Variants in PREX1 observed in about 807,000 individuals in gnomAD.
PREX1 encodes the protein phosphatidylinositol 3,4,5-trisphosphate-dependent Rac exchanger 1 protein.
PREX1 carries 41 observed loss-of-function variants against 198.3 expected under a neutral mutation model. That is an observed-to-expected ratio of 0.21 (90% confidence interval 0.16 to 0.27). The LOEUF is 0.27. Among genes scored for constraint, PREX1 ranks in the 10% least tolerant of loss-of-function variants. The pLI is 1.00. For missense variants in PREX1, 1,620 were observed against 2,200.7 expected (o/e 0.74, Z 5.28); for synonymous variants, 843 against 887.2 (o/e 0.95, Z 0.89).
intron 1 of PREX1, among the ~76,000 whole-genome samples, chr20:48,783,662 C>G (rs2090299902): frequency 6.6e-6 from 1 of 152,152 alleles, no homozygotes; most frequent in Admixed American, 6.5e-5. Flanking sequence ...CGAGAGCCCA[C>G]AGCACCCTGA....
At chr20:48,786,884 G>A (rs1568863913) in intron 1 of PREX1, among the ~76,000 whole-genome samples, 3 of 151,958 alleles carry the variant, frequency 2.0e-5, no homozygotes, top group African/African-American at 7.2e-5. Context: ...GTAGGGAGGA[G>A]AGGAAAGGGA....
At chr20:48,694,339 C>T (rs527970963) in intron 7 of PREX1, among the ~76,000 whole-genome samples, 8 of 152,194 alleles carry the variant, frequency 5.3e-5, no homozygotes, top group Non-Finnish European at 1.0e-4. Context: ...TCAGGAGCCA[C>T]GGGAAGTCAC....
At chr20:48,651,093 T>A in intron 22 of PREX1, 38 bp from the exon 23 acceptor site, 1 of 1,607,490 alleles carries the variant, frequency 6.2e-7, no homozygotes, top group Non-Finnish European at 8.5e-7. Context: ...ATTCCCTGTG[T>A]GCCGGGAAGA....
At chr20:48,680,371 G>A (rs975446588) in intron 11 of PREX1, among the ~76,000 whole-genome samples, 4 of 152,186 alleles carry the variant, frequency 2.6e-5, no homozygotes, top group African/African-American at 9.7e-5. Flanking sequence ...AGGGCAGCCA[G>A]AGGGATTCTG....
chr20:48,654,359 T>A (rs1260877546), intron 19 of PREX1, among the ~76,000 whole-genome samples: 1 of 152,212 alleles, frequency 6.6e-6, no homozygotes, highest in Non-Finnish European at 1.5e-5. Flanking sequence ...ATTATCAGTA[T>A]CTCTGCAGAT....
intron 35 of PREX1, among the ~76,000 whole-genome samples, chr20:48,631,111 A>G (rs11698574): frequency 0.084 from 12,846 of 152,158 alleles, 623 homozygotes; most frequent in South Asian, 0.15. Flanking sequence ...ACCACTTGGC[A>G]TCTCATGGCT....
At chr20:48,877,252 C>T in the PREX1 span, among the ~76,000 whole-genome samples, 2 of 144,982 alleles carry the variant, frequency 1.4e-5, no homozygotes, top group African/African-American at 5.1e-5. Context: ...GCCTGGTCAA[C>T]AAGAGCGAAA....
chr20:48,693,934 T>G (rs932241370), intron 7 of PREX1, among the ~76,000 whole-genome samples: 8 of 151,450 alleles, frequency 5.3e-5, no homozygotes, highest in African/African-American at 1.9e-4. Context: ...TTTTTTGAGA[T>G]AGAGTCTCAT....
chr20:48,856,063 A>C, the PREX1 span, among the ~76,000 whole-genome samples: 1 of 152,232 alleles, frequency 6.6e-6, no homozygotes, highest in Admixed American at 6.5e-5. Context: ...ATGACAGAGG[A>C]GAGCTAATGA....
At position 48,634,845 on chromosome 20, in the gene PREX1, TG is replaced by T; in HGVS notation, c.4168-71del. On this transcript the variant is annotated intron_variant, in intron 32 of 39. Transcript: ENST00000371941. Reference sequence around the variant, plus strand: ...GCCCCAGGGTTTCCTATCAAGATGCTGAATTCAACTCTAGTCGGCACTCCAC... The same window carrying T: ...GCCCCAGGGTTTCCTATCAAGATGCTAATTCAACTCTAGTCGGCACTCCAC... 3 of 1,372,502 alleles carry T rather than the reference TG, an allele frequency of 2.2e-6. No homozygotes were observed. In the South Asian group the frequency reaches 3.5e-5, roughly 16 times the overall value. 85.0% of individuals were successfully genotyped at this position (1,372,502 alleles called of 1,614,324 possible).
At chr20:48,812,305 TATAA>T (rs1568651087) in intron 1 of PREX1, among the ~76,000 whole-genome samples, 1 of 147,098 alleles carries the variant, frequency 6.8e-6, no homozygotes, top group Admixed American at 6.8e-5. Flanking sequence ...GGGTAAATAA[TATAA>T]GAGGAATGGG....
At chr20:48,634,299 G>A (rs752481077) in intron 33 of PREX1, among the ~76,000 whole-genome samples, 3 of 152,114 alleles carry the variant, frequency 2.0e-5, no homozygotes, top group African/African-American at 7.2e-5. Context: ...GTGGAGGAAG[G>A]AGAGGTGAGG....
intron 1 of PREX1, among the ~76,000 whole-genome samples, chr20:48,815,683 A>G (rs1259107076): frequency 6.6e-6 from 1 of 152,148 alleles, no homozygotes; most frequent in Non-Finnish European, 1.5e-5. Context: ...TTCAACTTCA[A>G]CAACCCAGTT....
At chr20:48,690,364 A>G (rs1480178141) in intron 9 of PREX1, among the ~76,000 whole-genome samples, 2 of 152,178 alleles carry the variant, frequency 1.3e-5, no homozygotes, top group African/African-American at 4.8e-5. Flanking sequence ...AGATGAGATC[A>G]CTGAGGTCTG....
At chr20:48,626,068 C>CT (rs2089269811) in intron 39 of PREX1, 141 bp from the exon 40 acceptor site, 1 of 942,614 alleles carries the variant, frequency 1.1e-6, no homozygotes, top group Admixed American at 3.6e-5. Context: ...AGAAAAATAT[C>CT]TATGCTGTCC....
intron 3 of PREX1, among the ~76,000 whole-genome samples, chr20:48,742,085 A>G (rs1341374149): frequency 3.9e-5 from 6 of 152,144 alleles, no homozygotes; most frequent in Admixed American, 3.9e-4. Flanking sequence ...TCTCTGTCAA[A>G]GCCTCCGACA....
At chr20:48,749,657 C>T (rs565816037) in intron 1 of PREX1, among the ~76,000 whole-genome samples, 140 of 152,214 alleles carry the variant, frequency 9.2e-4, no homozygotes, top group African/African-American at 3.2e-3. Flanking sequence ...TGGGAGGGGG[C>T]GCAATGACAG....
intron 1 of PREX1, among the ~76,000 whole-genome samples, chr20:48,796,706 T>A (rs557252043): frequency 6.6e-6 from 1 of 150,728 alleles, no homozygotes; most frequent in South Asian, 2.1e-4. Flanking sequence ...AACATAGATG[T>A]GATATAAAAT....
chr20:48,794,193 G>A (rs1419935618), intron 1 of PREX1, among the ~76,000 whole-genome samples: 1 of 152,152 alleles, frequency 6.6e-6, no homozygotes. Flanking sequence ...CTCTGAGCAC[G>A]GAAGGGACCT....
Sources: allele counts gnomAD v4.1 joint callset (sites outside exome capture counted in the v4.1 genomes callset), GRCh38; gene constraint gnomAD v4.1.1; transcripts MANE v1.5; gene names NCBI Gene and HGNC (gene_info 2026-07-23, HGNC 2026-07-21).